Variants in KAT6A observed in about 807,000 individuals in gnomAD.
KAT6A encodes the protein lysine acetyltransferase 6A.
KAT6A carries 9 observed loss-of-function variants against 198.4 expected under a neutral mutation model. The ratio of observed to expected loss-of-function variants is 0.05; its 90% CI spans 0.03 to 0.08. KAT6A has a LOEUF of 0.08. Ranked by LOEUF, KAT6A falls within the 10% of genes least tolerant of loss-of-function variation. KAT6A has a pLI of 1.00. For missense variants in KAT6A, 2,077 were observed against 2,509.9 expected (o/e 0.83, Z 3.69); for synonymous variants, 890 against 883.0 (o/e 1.01, Z -0.14).
intron 2 of KAT6A, among the ~76,000 whole-genome samples, chr8:42,029,399 C>T (rs1457772204): frequency 6.6e-6 from 1 of 151,956 alleles, no homozygotes; most frequent in Admixed American, 6.6e-5. Context: ...CTGGAATACC[C>T]AACACTCAAA....
intron 2 of KAT6A, among the ~76,000 whole-genome samples, chr8:41,999,938 C>T (rs1825405290): frequency 6.6e-6 from 1 of 152,190 alleles, no homozygotes; most frequent in African/African-American, 2.4e-5. Flanking sequence ...CTAGTAAGTG[C>T]TAGTTTCTGC....
Position 41,976,117 on chromosome 8 carries a change from G to T in KAT6A, c.1363+891C>A, listed in dbSNP as rs908537655. Among the ~76,000 whole-genome samples, 9 of 152,238 alleles carry T rather than the reference G, an allele frequency of 5.9e-5. No homozygotes were observed. In the South Asian group the frequency reaches 1.9e-3, roughly 32 times the overall value. ...TACAAGGACTTTCTCTCCTGCACTG[G>T]ACAATCAACCACGAATGAGAGCAGT... On this transcript the variant is annotated intron_variant, in intron 7 of 16. Transcript: ENST00000265713.
At chr8:41,942,546 A>AT in intron 14 of KAT6A, 1 of 477,954 alleles carries the variant, frequency 2.1e-6, no homozygotes, top group South Asian at 2.9e-5. Flanking sequence ...CTGGTAACAA[A>AT]TATTTTTCTC....
At chr8:41,969,129 T>C (rs2150880988) in intron 8 of KAT6A, among the ~76,000 whole-genome samples, 1 of 152,300 alleles carries the variant, frequency 6.6e-6, no homozygotes. Context: ...ATAAACAATG[T>C]GTTATTAGTT....
At chr8:42,016,490 T>C (rs1019256089) in intron 2 of KAT6A, among the ~76,000 whole-genome samples, 3 of 152,234 alleles carry the variant, frequency 2.0e-5, no homozygotes, top group Non-Finnish European at 2.9e-5. Flanking sequence ...TGTATAATCA[T>C]ATTTGAAAAA....
In KAT6A at chr8:41,932,679, C is replaced by T; in HGVS notation, c.5541G>A (p.Gly1847=). 6.2e-7 allele frequency: 1 copy of T among 1,614,226 alleles called. No individual in the cohort carries two copies. The highest frequency in any genetic ancestry group is 8.5e-7 in the Non-Finnish European group (1 of 1,180,038). ...AAATGTGCCCCTTCACTGGCATTTG[C>T]CCTTGCAATCTCTGCGTGTGAGGAA... ...IGIPHTQRLQ[G]QMPVKGHISI... Residue 1847 remains glycine, a synonymous_variant, in exon 17 of 17, where the codon GGG becomes GGA. Transcript: ENST00000265713.
rs545494405 is a variant in KAT6A at position 41,931,711 on chromosome 8, C to G, written c.*494G>C. ...CTCCATGTCCCCATCCGAGTCTCCCCTAAGTGCCTCCTGCTGGAATGAAGT... is the reference window on the plus strand; with the variant it reads ...CTCCATGTCCCCATCCGAGTCTCCCGTAAGTGCCTCCTGCTGGAATGAAGT... On this transcript the variant is annotated 3_prime_UTR_variant, in exon 17 of 17. Coordinates refer to ENST00000265713, the MANE Select transcript of KAT6A (RefSeq NM_006766.5). 8.2e-4 allele frequency: 158 copies of G among 192,424 alleles called. No homozygotes were observed. Among genetic ancestry groups the G allele is most frequent in the South Asian group, 1.5e-3 (8 of 5,168 alleles). 11.9% of individuals were successfully genotyped at this position (192,424 alleles called of 1,614,324 possible).
chr8:42,000,393 A>G (rs1024879824), intron 2 of KAT6A, among the ~76,000 whole-genome samples: 21 of 152,038 alleles, frequency 1.4e-4, no homozygotes, highest in Non-Finnish European at 2.6e-4. Context: ...TCTACCAAAA[A>G]TACAAAAATT....
chr8:41,992,332 G>C (rs189975822), intron 2 of KAT6A, among the ~76,000 whole-genome samples: 24 of 152,308 alleles, frequency 1.6e-4, no homozygotes, highest in African/African-American at 5.8e-4. Flanking sequence ...GCCATGAACG[G>C]ACAGAGAGCA....
intron 2 of KAT6A, among the ~76,000 whole-genome samples, chr8:42,028,921 G>A (rs1184106933): frequency 6.6e-6 from 1 of 151,952 alleles, no homozygotes; most frequent in African/African-American, 2.4e-5. Flanking sequence ...TTTTCATGGC[G>A]GTACATATTG....
At chr8:41,971,925 T>C (rs9694204) in intron 8 of KAT6A, among the ~76,000 whole-genome samples, 3,756 of 152,190 alleles carry the variant, frequency 0.025, 137 homozygotes, top group African/African-American at 0.085. Flanking sequence ...GACATCTCTG[T>C]GGGCCTAAGC....
intron 6 of KAT6A, chr8:41,977,570 T>C: frequency 5.2e-6 from 2 of 385,242 alleles, no homozygotes; most frequent in Non-Finnish European, 9.3e-6. Flanking sequence ...AGAAGACTTG[T>C]TCTAGTCATA....
At chr8:42,001,471 A>G (rs557797951) in intron 2 of KAT6A, among the ~76,000 whole-genome samples, 1 of 152,344 alleles carries the variant, frequency 6.6e-6, no homozygotes. Context: ...AACATGGTCA[A>G]GGGACTTTTC....
At position 41,941,220 on chromosome 8, in the gene KAT6A, G is replaced by C. The variant is rs1587719530; in HGVS notation, c.2661C>G (p.Leu887=). ...GAGGAGCTGAAGACGTCTCTTCCAA[G>C]AGCAGTTTAGAATCTTTATCACCAA... ...ERFGDKDSKL[L]LEETSSAPQE... is the part of the protein sequence containing the mutation. The change falls in exon 15 of 17, where the codon CTC becomes CTG. Residue 887 remains leucine (L), a synonymous_variant. Coordinates refer to ENST00000265713, the MANE Select transcript of KAT6A (RefSeq NM_006766.5). 1 of 1,614,076 alleles carries C rather than the reference G, an allele frequency of 6.2e-7. No homozygotes were observed. Among genetic ancestry groups the C allele is most frequent in the African/African-American group, 1.3e-5 (1 of 75,010 alleles).
At chr8:41,995,625 C>T (rs953587573) in intron 2 of KAT6A, among the ~76,000 whole-genome samples, 2 of 151,418 alleles carry the variant, frequency 1.3e-5, no homozygotes, top group African/African-American at 4.9e-5. Context: ...TCTAGATACA[C>T]AGATATATCA....
chr8:41,984,880 G>A (rs1824528851), intron 3 of KAT6A, among the ~76,000 whole-genome samples: 1 of 151,854 alleles, frequency 6.6e-6, no homozygotes, highest in South Asian at 2.1e-4. Context: ...CTACTCCGGA[G>A]GCTGAGGCAG....
chr8:42,037,211 G>A (rs1372514799), intron 2 of KAT6A, among the ~76,000 whole-genome samples: 1 of 152,160 alleles, frequency 6.6e-6, no homozygotes, highest in Non-Finnish European at 1.5e-5. Context: ...TTAGTGCCAA[G>A]TACCACTGCT....
At chr8:41,981,017 G>A (rs1824326822) in intron 4 of KAT6A, 90 bp from the exon 5 acceptor site, 1 of 919,642 alleles carries the variant, frequency 1.1e-6, no homozygotes, top group Non-Finnish European at 1.8e-6. Flanking sequence ...GAAAGCTTCA[G>A]GGATCTTAAA....
intron 2 of KAT6A, among the ~76,000 whole-genome samples, chr8:41,991,409 T>C (rs950512604): frequency 6.6e-6 from 1 of 152,170 alleles, no homozygotes; most frequent in Non-Finnish European, 1.5e-5. Context: ...TTTAATGTAA[T>C]GTTCAAATAT....
Sources: gnomAD v4.1 joint callset for allele counts (sites outside exome capture counted in the v4.1 genomes callset) on GRCh38, gnomAD v4.1.1 for gene constraint, MANE v1.5 for transcripts, NCBI Gene and HGNC (gene_info 2026-07-23, HGNC 2026-07-21) for gene names.